The following ADGRD1 variants were observed in gnomAD, a reference collection of about 807,000 sequenced individuals.
ADGRD1 encodes the protein adhesion G protein-coupled receptor D1, also known as G-protein coupled receptor 133.
In ADGRD1, 77 loss-of-function variants were observed where a neutral mutation model predicts 113.4. The ratio of observed to expected loss-of-function variants is 0.68; its 90% CI spans 0.57 to 0.82. The LOEUF is 0.82. ADGRD1 is among the 40% of genes least tolerant of loss of function. The pLI, the probability that ADGRD1 is intolerant of heterozygous loss-of-function variation, is 0.00. For synonymous variants in ADGRD1, 474 were observed against 475.0 expected, an observed-to-expected ratio of 1.00 and a Z score of 0.03; for missense variants, 1,036 against 1,139.1, an observed-to-expected ratio of 0.91 and a Z score of 1.30.
chr12:131,138,773 C>T (rs1593284514), intron 24 of ADGRD1, among the ~76,000 whole-genome samples: 1 of 152,246 alleles, frequency 6.6e-6, no homozygotes, highest in South Asian at 2.1e-4. Flanking sequence ...AGCTGGCTGG[C>T]TCATGGGCTG....
intron 4 of ADGRD1, among the ~76,000 whole-genome samples, chr12:130,980,403 C>CTGCAGTT (rs1344216056): frequency 6.8e-6 from 1 of 146,124 alleles, no homozygotes. Flanking sequence ...CATGCCTGGA[C>CTGCAGTT]CCTCTTTTTT....
chr12:131,114,646 C>A (rs1049099864), intron 18 of ADGRD1, among the ~76,000 whole-genome samples: 4 of 152,112 alleles, frequency 2.6e-5, no homozygotes, highest in Admixed American at 6.5e-5. Flanking sequence ...GTGGGGGGAG[C>A]CCCTGGGAGG....
intron 17 of ADGRD1, among the ~76,000 whole-genome samples, chr12:131,106,803 G>A (rs1173308910): frequency 6.6e-6 from 1 of 152,212 alleles, no homozygotes; most frequent in Non-Finnish European, 1.5e-5. Flanking sequence ...CATCTGAGAA[G>A]TTCCTGGATG....
chr12:131,097,453 C>G (rs960204531), intron 15 of ADGRD1, among the ~76,000 whole-genome samples: 1 of 152,252 alleles, frequency 6.6e-6, no homozygotes, highest in African/African-American at 2.4e-5. Context: ...TTCTACCTGT[C>G]CCCGGGCTGT....
chr12:131,017,070 G>A (rs1010038467), intron 13 of ADGRD1, among the ~76,000 whole-genome samples: 1 of 152,082 alleles, frequency 6.6e-6, no homozygotes, highest in Admixed American at 6.5e-5. Context: ...AAGGTGAGGC[G>A]GGGGCAAGTG....
intron 15 of ADGRD1, among the ~76,000 whole-genome samples, chr12:131,097,145 A>G (rs1887344792): frequency 6.6e-6 from 1 of 152,068 alleles, no homozygotes; most frequent in Non-Finnish European, 1.5e-5. Context: ...CCTGAGTCAA[A>G]TGTTCCACTC....
chr12:131,106,663 C>G (rs1358939679), intron 17 of ADGRD1, among the ~76,000 whole-genome samples: 2 of 152,206 alleles, frequency 1.3e-5, no homozygotes, highest in Non-Finnish European at 2.9e-5. Flanking sequence ...TCAGCAGAGC[C>G]TCTCCTCCTC....
intron 9 of ADGRD1, among the ~76,000 whole-genome samples, chr12:131,002,138 G>C (rs1278747951): frequency 6.6e-6 from 1 of 152,188 alleles, no homozygotes; most frequent in African/African-American, 2.4e-5. Flanking sequence ...AACACCCAGA[G>C]GACAGCCAAT....
intron 13 of ADGRD1, among the ~76,000 whole-genome samples, chr12:131,016,982 G>T (rs1878642969): frequency 6.6e-6 from 1 of 152,096 alleles, no homozygotes; most frequent in African/African-American, 2.4e-5. Context: ...GTCCTTGTGA[G>T]TGAGGTGGGC....
In ADGRD1 at chr12:131,139,646, T is replaced by G; in HGVS notation, c.*383T>G. Reference sequence around the variant, plus strand: ...ACCAGGAGGGGATGTTCAGCCTCTGTGCCTTGGTGGGGCTTGGGGACTCAG... The same window carrying G: ...ACCAGGAGGGGATGTTCAGCCTCTGGGCCTTGGTGGGGCTTGGGGACTCAG... On this transcript the variant is annotated 3_prime_UTR_variant, in exon 25 of 25. Coordinates refer to ENST00000261654, the MANE Select transcript of ADGRD1 (RefSeq NM_198827.5). The G allele has an allele frequency of 5.4e-6, 1 of 185,780 alleles. No homozygotes were observed. Among genetic ancestry groups the G allele is most frequent in the East Asian group, 1.5e-4 (1 of 6,706 alleles). The allele number at this position is 185,780 out of a possible 1,614,324, so 11.5% of individuals were successfully genotyped here.
rs151155348 is a variant in ADGRD1, at chr12:130,999,955, A to G, written c.967-428A>G. ...AGGGCCTGAGTAGCTTCTGCTTTCT[A>G]GAGAGGTCATTTTCAGTGAACACGA... On this transcript the variant is annotated intron_variant, in intron 8 of 24. Coordinates refer to ENST00000261654, the MANE Select transcript of ADGRD1 (RefSeq NM_198827.5). Among the ~76,000 whole-genome samples, 228 of 152,296 alleles carry G rather than the reference A, an allele frequency of 1.5e-3. 1 individual carries two copies. The highest frequency in any genetic ancestry group is 5.3e-3 in the African/African-American group (220 of 41,552).
intron 18 of ADGRD1, among the ~76,000 whole-genome samples, chr12:131,110,913 G>A (rs769822078): frequency 2.0e-5 from 3 of 151,718 alleles, no homozygotes; most frequent in East Asian, 1.9e-4. Context: ...TTTGCTTTTC[G>A]TTCTTTGATT....
At chr12:130,972,645 C>T (rs985339583) in intron 4 of ADGRD1, among the ~76,000 whole-genome samples, 11 of 151,798 alleles carry the variant, frequency 7.2e-5, no homozygotes, top group South Asian at 2.1e-4. Context: ...ATGGGCTCGG[C>T]GTGAGCTCGG....
At chr12:131,053,754 G>A (rs959162974) in intron 13 of ADGRD1, among the ~76,000 whole-genome samples, 1 of 152,136 alleles carries the variant, frequency 6.6e-6, no homozygotes, top group Non-Finnish European at 1.5e-5. Context: ...TATTCATGTC[G>A]TTTACTTAGG....
chr12:131,089,854 G>A (rs1422749008), intron 15 of ADGRD1, among the ~76,000 whole-genome samples: 1 of 152,250 alleles, frequency 6.6e-6, no homozygotes, highest in Admixed American at 6.5e-5. Context: ...CCCGAATGTT[G>A]GGGTTGTGCC....
In ADGRD1 at chr12:130,971,594, C is replaced by T. The variant is rs778362210; in HGVS notation, c.310+14C>T. The T allele has an allele frequency of 6.3e-7, 1 of 1,596,204 alleles. No individual in the cohort carries two copies. The highest frequency in any genetic ancestry group is 1.1e-5 in the South Asian group (1 of 88,158). On this transcript the variant is annotated intron_variant, in intron 4 of 24. Coordinates refer to ENST00000261654, the MANE Select transcript of ADGRD1 (RefSeq NM_198827.5). The surrounding 1 kb of genome is among the most constrained non-coding windows in gnomAD (Gnocchi z 4.2). The stretch of plus-strand genomic sequence containing the variant: ...GTGGCCCTGAAGGTGAGTGGCTGAT[C>T]CCTGCGGCATCTTTGTCAAGCATTT...
Position 131,139,500 on chromosome 12 carries a change from G to A in ADGRD1, c.*237G>A. 2 of 505,924 alleles carry A rather than the reference G, an allele frequency of 4.0e-6. No individual in the cohort carries two copies. The highest frequency in any genetic ancestry group is 3.4e-5 in the East Asian group (1 of 29,234). 31.3% of individuals were successfully genotyped at this position (505,924 alleles called of 1,614,324 possible). On this transcript the variant is annotated 3_prime_UTR_variant, in exon 25 of 25. Coordinates refer to ENST00000261654, the MANE Select transcript of ADGRD1 (RefSeq NM_198827.5). The stretch of plus-strand genomic sequence containing the variant: ...TGCCTTGCATCCACCCGTGGGCTGA[G>A]TGACTTCCTCGGGGGATTCCCAGGA...
At chr12:131,133,440 C>G (rs945132958) in intron 21 of ADGRD1, among the ~76,000 whole-genome samples, 2 of 152,214 alleles carry the variant, frequency 1.3e-5, no homozygotes, top group East Asian at 3.8e-4. Flanking sequence ...GTCCTCCAAG[C>G]GACAGGCTGG....
At chr12:130,955,324 C>T (rs1869426337) in intron 2 of ADGRD1, among the ~76,000 whole-genome samples, 3 of 151,868 alleles carry the variant, frequency 2.0e-5, no homozygotes, top group Non-Finnish European at 2.9e-5. Context: ...AGCAGGGTCT[C>T]GGGACCTCCA....
Sources: allele counts gnomAD v4.1 joint callset (sites outside exome capture counted in the v4.1 genomes callset), GRCh38; gene constraint gnomAD v4.1.1; non-coding constraint Gnocchi (gnomAD v3.1); transcripts MANE v1.5; gene names NCBI Gene and HGNC (gene_info 2026-07-23, HGNC 2026-07-21).